Variants in ANAPC16 observed in about 807,000 individuals in gnomAD.
The protein encoded by ANAPC16 is anaphase-promoting complex subunit 16.
A neutral mutation model predicts 13.1 loss-of-function variants in ANAPC16; 6 were observed. That is an observed-to-expected ratio of 0.46 (90% CI 0.25 to 0.90). The LOEUF is 0.90. Among genes scored for constraint, ANAPC16 ranks in the 40% least tolerant of loss-of-function variants. The probability of loss-of-function intolerance (pLI) is 0.18; values close to 1 mark genes in which losing one functional copy is unlikely to be tolerated. For missense variants in ANAPC16, 113 were observed against 131.1 expected (o/e 0.86, Z 0.67); for synonymous variants, 55 against 51.3 (o/e 1.07, Z -0.31).
intron 2 of ANAPC16, among the ~76,000 whole-genome samples, chr10:72,226,897 T>C (rs1860139183): frequency 6.6e-6 from 1 of 151,828 alleles, no homozygotes; most frequent in South Asian, 2.1e-4. Context: ...ACTTCTCTCT[T>C]TGCCTTTTTA....
At chr10:72,221,287 A>C (rs543048554) in intron 1 of ANAPC16, among the ~76,000 whole-genome samples, 54 of 152,320 alleles carry the variant, frequency 3.5e-4, no homozygotes, top group African/African-American at 1.2e-3. Flanking sequence ...GCCATTTTAA[A>C]GTATACAATT....
At chr10:72,219,579 T>C (rs1859818600) in intron 1 of ANAPC16, among the ~76,000 whole-genome samples, 1 of 151,892 alleles carries the variant, frequency 6.6e-6, no homozygotes, top group South Asian at 2.1e-4. Flanking sequence ...CTACAAAAAA[T>C]AAACAAAATT....
intron 1 of ANAPC16, chr10:72,217,055 C>G (rs1331101223): frequency 8.8e-6 from 4 of 454,172 alleles, no homozygotes; most frequent in Non-Finnish European, 1.3e-5. Flanking sequence ...GTTCATCATT[C>G]ATTCATCCGA....
chr10:72,216,968 T>C (rs973072721), intron 1 of ANAPC16: 2 of 456,050 alleles, frequency 4.4e-6, no homozygotes, highest in Non-Finnish European at 8.8e-6. Flanking sequence ...TCCATAATGA[T>C]CCAATACTCA....
At chr10:72,218,463 A>G (rs1859758387) in intron 1 of ANAPC16, among the ~76,000 whole-genome samples, 1 of 152,000 alleles carries the variant, frequency 6.6e-6, no homozygotes, top group Non-Finnish European at 1.5e-5. Context: ...CCAACAAGCC[A>G]TTGCTTCAAA....
chr10:72,228,028 T>TA (rs1860179643), intron 2 of ANAPC16, among the ~76,000 whole-genome samples: 1 of 127,914 alleles, frequency 7.8e-6, no homozygotes, highest in African/African-American at 4.4e-5. Context: ...GAGACTTGGT[T>TA]TAAAAAAAAA....
intron 2 of ANAPC16, 137 bp from the exon 3 acceptor site, chr10:72,230,229 C>A: frequency 3.4e-6 from 2 of 596,954 alleles, no homozygotes; most frequent in South Asian, 2.1e-5. Context: ...CTAAATGAAG[C>A]AGAACCCGTC....
chr10:72,233,100 C>A lies in ANAPC16; in HGVS notation c.317C>A (p.Thr106Asn). The part of the protein sequence containing the change: ...FKPIEQLLGF[T>N]PSSG ...CCCATCGAGCAGCTGCTGGGATTCA[C>A]CCCCTCTTCAGGTTGATACTGCCTG... Residue 106 changes from threonine (T) to asparagine (N), a missense_variant, in exon 4 of 4, where the codon ACC becomes AAC. Thr to Asn is a moderately conservative substitution (Grantham distance 65). Transcript: ENST00000299381. 6.2e-7 allele frequency: 1 copy of A among 1,613,970 alleles called. No individual in the cohort carries two copies. The highest frequency in any genetic ancestry group is 8.5e-7 in the Non-Finnish European group (1 of 1,179,908).
intron 2 of ANAPC16, among the ~76,000 whole-genome samples, chr10:72,224,829 C>G (rs2133676502): frequency 6.6e-6 from 1 of 152,260 alleles, no homozygotes; most frequent in South Asian, 2.1e-4. Context: ...AACATGACTC[C>G]TGACCCACTG....
chr10:72,226,156 C>T (rs947732975), intron 2 of ANAPC16, among the ~76,000 whole-genome samples: 3 of 151,276 alleles, frequency 2.0e-5, no homozygotes, highest in Non-Finnish European at 4.4e-5. Flanking sequence ...GCTGGGATTA[C>T]AGGTGCCCAC....
chr10:72,231,509 T>G (rs752396176), intron 3 of ANAPC16, among the ~76,000 whole-genome samples: 21 of 152,120 alleles, frequency 1.4e-4, no homozygotes, highest in Non-Finnish European at 2.5e-4. Flanking sequence ...AGACCCTGTC[T>G]CTGGAAAAAA....
intron 2 of ANAPC16, among the ~76,000 whole-genome samples, chr10:72,228,755 A>G (rs1479653340): frequency 6.6e-6 from 1 of 152,234 alleles, no homozygotes; most frequent in African/African-American, 2.4e-5. Flanking sequence ...TTCCACAGGC[A>G]TATAGTGTGG....
At chr10:72,225,912 CAAAA>C (rs1172835237) in intron 2 of ANAPC16, among the ~76,000 whole-genome samples, 1 of 143,724 alleles carries the variant, frequency 7.0e-6, no homozygotes, top group Non-Finnish European at 1.5e-5. Flanking sequence ...AAAAAAAAAG[CAAAA>C]AAAAAGCTTT....
intron 2 of ANAPC16, among the ~76,000 whole-genome samples, chr10:72,225,350 C>T (rs1437125629): frequency 6.6e-6 from 1 of 151,574 alleles, no homozygotes; most frequent in East Asian, 1.9e-4. Flanking sequence ...CTGAATTAGT[C>T]TAGGGTGTAG....
chr10:72,221,588 T>C (rs1229276101), intron 1 of ANAPC16, among the ~76,000 whole-genome samples: 1 of 144,982 alleles, frequency 6.9e-6, no homozygotes, highest in Non-Finnish European at 1.5e-5. Flanking sequence ...AGTCTGGCTC[T>C]GTCACCCAGA....
chr10:72,232,921 C>A, intron 3 of ANAPC16, 80 bp from the exon 4 acceptor site: 1 of 1,135,070 alleles, frequency 8.8e-7, no homozygotes, highest in Non-Finnish European at 1.3e-6. Flanking sequence ...TATTTTTATA[C>A]CAGTCATCAT....
At chr10:72,228,110 A>G (rs1204553132) in intron 2 of ANAPC16, among the ~76,000 whole-genome samples, 1 of 152,144 alleles carries the variant, frequency 6.6e-6, no homozygotes, top group Non-Finnish European at 1.5e-5. Context: ...TTAGGAATCA[A>G]GGATGGATGC....
At chr10:72,228,532 C>G (rs1179109910) in intron 2 of ANAPC16, among the ~76,000 whole-genome samples, 3 of 152,152 alleles carry the variant, frequency 2.0e-5, no homozygotes, top group Non-Finnish European at 2.9e-5. Flanking sequence ...ATGACCTGTG[C>G]TTGTCCCTGA....
At chr10:72,228,631 G>A (rs1451669550) in intron 2 of ANAPC16, among the ~76,000 whole-genome samples, 5 of 152,292 alleles carry the variant, frequency 3.3e-5, no homozygotes, top group African/African-American at 7.2e-5. Context: ...AGCTGACTCC[G>A]TTCTGGAGCA....
Sources: allele counts gnomAD v4.1 joint callset (sites outside exome capture counted in the v4.1 genomes callset), GRCh38; gene constraint gnomAD v4.1.1; transcripts MANE v1.5; gene names NCBI Gene and HGNC (gene_info 2026-07-23, HGNC 2026-07-21).